Variants in ANK3 observed in about 807,000 individuals in gnomAD.
ANK3 encodes the protein ankyrin 3.
A neutral mutation model predicts 370.9 loss-of-function variants in ANK3; 57 were observed. The observed-to-expected ratio is 0.15, with a 90% CI of 0.12 to 0.19. ANK3 has a LOEUF of 0.19. Ranked by LOEUF, ANK3 falls within the 10% of genes least tolerant of loss-of-function variation. The probability of loss-of-function intolerance (pLI) is 1.00; values close to 1 mark genes in which losing one functional copy is unlikely to be tolerated. For synonymous variants in ANK3, 1,929 were observed against 1,946.3 expected (o/e 0.99, Z 0.23); for missense variants, 4,439 against 5,302.1 (o/e 0.84, Z 5.06).
At chr10:60,487,775 C>T (rs1019319210) in intron 2 of ANK3, among the ~76,000 whole-genome samples, 7 of 150,130 alleles carry the variant, frequency 4.7e-5, no homozygotes, top group East Asian at 3.9e-4. Context: ...AGTGCCATAG[C>T]GCGATCTCGG....
chr10:60,301,361 C>G (rs1426896446), intron 1 of ANK3, among the ~76,000 whole-genome samples: 1 of 144,018 alleles, frequency 6.9e-6, no homozygotes, highest in Non-Finnish European at 1.5e-5. Flanking sequence ...CACATGCACG[C>G]ACAGATACAC....
intron 1 of ANK3, among the ~76,000 whole-genome samples, chr10:60,616,380 TAGAGG>T (rs1448127727): frequency 2.0e-5 from 3 of 152,156 alleles, no homozygotes; most frequent in African/African-American, 4.8e-5. Flanking sequence ...GTCCTACCAT[TAGAGG>T]AAAGTTAATA....
Position 60,071,575 on chromosome 10 carries a change from C to T in ANK3, c.9306G>A (p.Gly3102=), listed in dbSNP as rs1564777295. The part of the protein sequence containing the change: ...LPVYVSFVQV[G]KQYEKEIQQG... ...GTTGTATCTCCTTTTCATATTGCTT[C>T]CCCACTTGTACAAAACTGACATAAA... Residue 3102 remains glycine (G), a synonymous_variant, in exon 37 of 44, where the codon GGG becomes GGA. Transcript: ENST00000280772. 1 of 1,613,988 alleles carries T rather than the reference C, an allele frequency of 6.2e-7. No individual in the cohort carries two copies. The highest frequency in any genetic ancestry group is 8.5e-7 in the Non-Finnish European group (1 of 1,179,998).
intron 1 of ANK3, among the ~76,000 whole-genome samples, chr10:60,292,740 A>C (rs1593179404): frequency 7.1e-6 from 1 of 140,718 alleles, no homozygotes; most frequent in African/African-American, 2.7e-5. Flanking sequence ...ACGGAGTCTC[A>C]CTCTGTTGCC....
chr10:60,418,305 T>C (rs568485805), intron 2 of ANK3, among the ~76,000 whole-genome samples: 1 of 152,298 alleles, frequency 6.6e-6, no homozygotes, highest in South Asian at 2.1e-4. Flanking sequence ...TTCCCATTGC[T>C]TCTGCCTGGA....
At chr10:60,629,109 A>C (rs554091265) in intron 1 of ANK3, among the ~76,000 whole-genome samples, 7 of 152,178 alleles carry the variant, frequency 4.6e-5, no homozygotes, top group Admixed American at 3.3e-4. Flanking sequence ...AAGACAAAAA[A>C]AAATACTCTT....
chr10:60,128,511 C>G (rs564225898), intron 25 of ANK3, among the ~76,000 whole-genome samples: 1 of 152,178 alleles, frequency 6.6e-6, no homozygotes, highest in East Asian at 1.9e-4. Context: ...TCCCGAGTAG[C>G]TGGGATTACA....
chr10:60,551,450 C>T (rs1486134541), intron 2 of ANK3, among the ~76,000 whole-genome samples: 1 of 152,058 alleles, frequency 6.6e-6, no homozygotes, highest in Non-Finnish European at 1.5e-5. Flanking sequence ...ATGCCATTTA[C>T]AAATTAACCC....
intron 2 of ANK3, among the ~76,000 whole-genome samples, chr10:60,487,859 C>T (rs2075390591): frequency 6.6e-6 from 1 of 152,036 alleles, no homozygotes; most frequent in Admixed American, 6.6e-5. Context: ...GGACTACAGG[C>T]ATGCTCCACC....
At chr10:60,083,077 T>C (rs754935993) in intron 33 of ANK3, among the ~76,000 whole-genome samples, 2 of 152,124 alleles carry the variant, frequency 1.3e-5, no homozygotes, top group African/African-American at 2.4e-5. Context: ...GACAAAACAA[T>C]TTTCCTCTCT....
intron 1 of ANK3, among the ~76,000 whole-genome samples, chr10:60,728,505 A>G (rs1172981277): frequency 6.6e-6 from 1 of 152,230 alleles, no homozygotes; most frequent in African/African-American, 2.4e-5. Context: ...AATGTGAGGG[A>G]AAAAGTGTTT....
At chr10:60,253,875 C>T (rs549731976) in intron 7 of ANK3, among the ~76,000 whole-genome samples, 2 of 152,190 alleles carry the variant, frequency 1.3e-5, no homozygotes, top group Admixed American at 6.5e-5. Context: ...TGTGTGTGGT[C>T]TCTGTTGGGA....
At chr10:60,651,006 G>A (rs1366249121) in intron 1 of ANK3, among the ~76,000 whole-genome samples, 2 of 152,132 alleles carry the variant, frequency 1.3e-5, no homozygotes, top group African/African-American at 4.8e-5. Flanking sequence ...TGAGGTGAGA[G>A]GACTGCTTGA....
At chr10:60,387,355 C>G (rs2062527946) in intron 1 of ANK3, among the ~76,000 whole-genome samples, 1 of 152,088 alleles carries the variant, frequency 6.6e-6, no homozygotes, top group Non-Finnish European at 1.5e-5. Flanking sequence ...TAACAATTCA[C>G]TTTATAGAGG....
intron 8 of ANK3, among the ~76,000 whole-genome samples, chr10:60,218,097 C>CTTTTTTTTTT (rs199989242): frequency 1.6e-3 from 207 of 125,910 alleles, no homozygotes; most frequent in Admixed American, 2.1e-3. Context: ...CTTTTTCTTT[C>CTTTTTTTTTT]TTTTTTTTTT....
chr10:60,476,412 T>G (rs1474790737), intron 2 of ANK3, among the ~76,000 whole-genome samples: 1 of 152,150 alleles, frequency 6.6e-6, no homozygotes, highest in East Asian at 1.9e-4. Context: ...TTTTAAGTGA[T>G]TTTAACTTGT....
At chr10:60,316,968 G>A (rs547667601) in intron 1 of ANK3, among the ~76,000 whole-genome samples, 2 of 152,118 alleles carry the variant, frequency 1.3e-5, no homozygotes, top group South Asian at 4.1e-4. Context: ...GGATGGTCTC[G>A]ATCTCCTGAC....
intron 1 of ANK3, among the ~76,000 whole-genome samples, chr10:60,290,741 T>G (rs1476501607): frequency 6.6e-6 from 1 of 152,186 alleles, no homozygotes; most frequent in Non-Finnish European, 1.5e-5. Flanking sequence ...GAAAGGCCCC[T>G]GCTGGTGCAC....
At chr10:60,183,850 T>A (rs2096261674) in intron 17 of ANK3, among the ~76,000 whole-genome samples, 1 of 144,814 alleles carries the variant, frequency 6.9e-6, no homozygotes, top group Non-Finnish European at 1.5e-5. Flanking sequence ...AAGAATGAAA[T>A]TCTGTCTCAA....
Sources: gnomAD v4.1 joint callset for allele counts (sites outside exome capture counted in the v4.1 genomes callset) on GRCh38, gnomAD v4.1.1 for gene constraint, MANE v1.5 for transcripts, NCBI Gene and HGNC (gene_info 2026-07-23, HGNC 2026-07-21) for gene names.